TSHR: variants seen among roughly 807,000 people sequenced by gnomAD.
TSHR encodes thyrotropin receptor.
A neutral mutation model predicts 64.1 loss-of-function variants in TSHR; 51 were observed. That is an observed-to-expected ratio of 0.80 (90% confidence interval 0.64 to 1.01). The LOEUF is 1.01. TSHR is among the 50% of genes least tolerant of loss of function. The pLI is 0.00. For missense variants in TSHR, 877 were observed against 942.8 expected, an observed-to-expected ratio of 0.93 and a Z score of 0.91; for synonymous variants, 361 against 361.9, an observed-to-expected ratio of 1.00 and a Z score of 0.03.
chr14:80,982,208 C>A, intron 1 of TSHR: 1 of 590,458 alleles, frequency 1.7e-6, no homozygotes, highest in Non-Finnish European at 3.0e-6. Flanking sequence ...AGGAAGGAGC[C>A]CCTGTCAGAG....
chr14:81,139,569 G>C, intron 8 of TSHR, 110 bp from the exon 9 acceptor site: 1 of 1,093,198 alleles, frequency 9.1e-7, no homozygotes, highest in East Asian at 2.4e-5. Flanking sequence ...TAGAAGAAAG[G>C]AGCATATCAT....
At chr14:81,078,675 C>T (rs1488697971) in intron 3 of TSHR, 1 of 152,168 alleles carries the variant, frequency 6.6e-6, no homozygotes, top group African/African-American at 2.4e-5. Context: ...CCTTGGAACC[C>T]TGAACAACCA....
rs1168734788 is a variant in TSHR, at chr14:81,115,739, A to G, written c.692+7287A>G. On this transcript the variant is annotated intron_variant, in intron 8 of 9. Transcript: ENST00000298171. Reference sequence around the variant, plus strand: ...AAGACACATAATTGTCAGATTCACCAAAGTTGAAATGAAGGAAAAAATGTG... The same window carrying G: ...AAGACACATAATTGTCAGATTCACCGAAGTTGAAATGAAGGAAAAAATGTG... Among the ~76,000 whole-genome samples, 5 of 152,102 alleles carry G rather than the reference A, an allele frequency of 3.3e-5. No individual in the cohort carries two copies. The East Asian group carries it at 9.6e-4, about 29-fold the overall frequency.
At chr14:80,983,647 C>T in intron 1 of TSHR, 1 of 844,856 alleles carries the variant, frequency 1.2e-6, no homozygotes, top group Non-Finnish European at 1.8e-6. Flanking sequence ...TAAAATGAGC[C>T]AGAGATAGAA....
At chr14:81,102,639 A>T in intron 7 of TSHR, 1 of 275,358 alleles carries the variant, frequency 3.6e-6, no homozygotes, top group Non-Finnish European at 5.5e-6. Context: ...CTGCCTTTGT[A>T]GTGTGAAAGC....
intron 1 of TSHR, among the ~76,000 whole-genome samples, chr14:80,984,212 A>T (rs1431254271): frequency 6.6e-6 from 1 of 152,214 alleles, no homozygotes; most frequent in Admixed American, 6.5e-5. Flanking sequence ...TACTCATTCC[A>T]CAACACAGAA....
At chr14:81,004,493 A>G (rs1594941446) in intron 1 of TSHR, among the ~76,000 whole-genome samples, 1 of 152,208 alleles carries the variant, frequency 6.6e-6, no homozygotes, top group Non-Finnish European at 1.5e-5. Flanking sequence ...TCACACCTCC[A>G]TTGACACTGC....
rs562555293 is a variant in TSHR at position 81,062,808 on chromosome 14, T to C, written c.242+589T>C. On this transcript the variant is annotated intron_variant, in intron 2 of 9. Coordinates refer to ENST00000298171, the MANE Select transcript of TSHR (RefSeq NM_000369.5). ...TGAAGCAGGTCTTTATTTCATTTAA[T>C]TGATTTTGACAGGCAATCCAGATAG... 3.3e-5 allele frequency among the ~76,000 whole-genome samples: 5 copies of C among 152,304 alleles called. No individual in the cohort carries two copies. The East Asian group carries it at 9.6e-4, about 29-fold the overall frequency.
intron 1 of TSHR, among the ~76,000 whole-genome samples, chr14:80,996,457 A>T (rs1286116126): frequency 1.3e-5 from 2 of 152,114 alleles, no homozygotes; most frequent in South Asian, 2.1e-4. Context: ...AAATTTTCTG[A>T]ATCACTTTGC....
intron 9 of TSHR, among the ~76,000 whole-genome samples, chr14:81,140,427 C>G (rs1891637779): frequency 6.6e-6 from 1 of 152,092 alleles, no homozygotes; most frequent in Non-Finnish European, 1.5e-5. Flanking sequence ...AATGGAGATC[C>G]TAATACTAAC....
intron 1 of TSHR, among the ~76,000 whole-genome samples, chr14:81,022,306 G>C (rs992587044): frequency 3.3e-5 from 5 of 152,038 alleles, no homozygotes; most frequent in African/African-American, 9.7e-5. Context: ...AAAAATTACA[G>C]TAATTACTGT....
At chr14:81,055,647 G>A (rs1294276090) in intron 1 of TSHR, among the ~76,000 whole-genome samples, 3 of 152,204 alleles carry the variant, frequency 2.0e-5, no homozygotes, top group South Asian at 2.1e-4. Context: ...AAAGGAGATC[G>A]TTTTGGAGCT....
chr14:80,988,340 T>C (rs2284727), intron 1 of TSHR, among the ~76,000 whole-genome samples: 30,327 of 151,986 alleles, frequency 0.2, 3,588 homozygotes, highest in Admixed American at 0.28. Flanking sequence ...AAACTTACAA[T>C]TATGGCAGAA....
At chr14:81,062,045 T>C in intron 1 of TSHR, 103 bp from the exon 2 acceptor site, 1 of 1,034,754 alleles carries the variant, frequency 9.7e-7, no homozygotes, top group Non-Finnish European at 1.5e-6. Flanking sequence ...CAACATATTG[T>C]GAAAACTGTC....
intron 6 of TSHR, chr14:81,093,485 G>C (rs1292799627): frequency 1.3e-5 from 2 of 152,246 alleles, no homozygotes; most frequent in Non-Finnish European, 2.9e-5. Flanking sequence ...GCCTGGTGAA[G>C]TTTTTGTCTG....
At chr14:81,105,512 G>T (rs920828486) in intron 7 of TSHR, among the ~76,000 whole-genome samples, 1 of 152,170 alleles carries the variant, frequency 6.6e-6, no homozygotes. Flanking sequence ...TGAAGTGTCA[G>T]TTCATCTCCG....
chr14:80,993,503 T>C (rs1888852793), intron 1 of TSHR: 1 of 152,234 alleles, frequency 6.6e-6, no homozygotes, highest in Non-Finnish European at 1.5e-5. Flanking sequence ...TATATACTCC[T>C]ATCAGTAAAG....
chr14:81,125,991 A>G (rs1358847585), intron 8 of TSHR, among the ~76,000 whole-genome samples: 2 of 152,068 alleles, frequency 1.3e-5, no homozygotes, highest in Admixed American at 1.3e-4. Flanking sequence ...CTTGACAAGA[A>G]CAGGGAATGG....
At chr14:81,053,234 T>C (rs892721697) in intron 1 of TSHR, 1 of 152,136 alleles carries the variant, frequency 6.6e-6, no homozygotes, top group Non-Finnish European at 1.5e-5. Flanking sequence ...AGATAAATAA[T>C]TTTTCTTACT....
Sources: allele counts gnomAD v4.1 joint callset (sites outside exome capture counted in the v4.1 genomes callset), GRCh38; gene constraint gnomAD v4.1.1; transcripts MANE v1.5; gene names NCBI Gene and HGNC (gene_info 2026-07-23, HGNC 2026-07-21).